The following NEMP2 variants were observed in gnomAD, a reference collection of about 807,000 sequenced individuals.
NEMP2 encodes the protein nuclear envelope integral membrane protein 2.
Under a neutral mutation model 54.2 loss-of-function variants are expected in NEMP2, and 53 were observed. The ratio of observed to expected loss-of-function variants is 0.98; its 90% CI spans 0.78 to 1.23. The LOEUF (loss-of-function observed/expected upper bound fraction) is 1.23, where lower values mean the gene tolerates loss of function less well. Among genes scored for constraint, NEMP2 ranks in the 50% most tolerant of loss-of-function variants. NEMP2 has a pLI of 0.00. For synonymous variants in NEMP2, 197 were observed against 190.3 expected, an observed-to-expected ratio of 1.04 and a Z score of -0.29; for missense variants, 455 against 511.3, an observed-to-expected ratio of 0.89 and a Z score of 1.06.
the NEMP2 span, among the ~76,000 whole-genome samples, chr2:190,423,447 T>C: frequency 6.6e-6 from 1 of 152,260 alleles, no homozygotes; most frequent in Non-Finnish European, 1.5e-5. This position sits in a 1 kb window ranked among gnomAD's most constrained non-coding sequence, Gnocchi z 4.3. Context: ...ATCCAGTTTA[T>C]TGCATGTATC....
At chr2:190,614,505 C>T in the NEMP2 span, among the ~76,000 whole-genome samples, 2 of 152,162 alleles carry the variant, frequency 1.3e-5, no homozygotes, top group Non-Finnish European at 2.9e-5. The surrounding 1 kb of genome is among the most constrained non-coding windows in gnomAD (Gnocchi z 5.7). Context: ...TACACACATA[C>T]ATAAAGATAT....
Position 190,512,058 on chromosome 2 carries a change from G to C in NEMP2, c.954-1521C>G, listed in dbSNP as rs1690386711. On this transcript the variant is annotated intron_variant, in intron 7 of 8. Coordinates refer to ENST00000409150, the MANE Select transcript of NEMP2 (RefSeq NM_001142645.2). The surrounding 1 kb of genome is among the most constrained non-coding windows in gnomAD (Gnocchi z 4.5). ...TAAAGATCTTATAGTTGATGAGCTA[G>C]ATCAAGGAAACAGTGATATAATCTC... Among the ~76,000 whole-genome samples the C allele has an allele frequency of 6.6e-6, 1 of 151,834 alleles. No individual in the cohort carries two copies. The highest frequency in any genetic ancestry group is 2.1e-4 in the South Asian group (1 of 4,816).
At chr2:190,571,441 G>A in the NEMP2 span, among the ~76,000 whole-genome samples, 1 of 152,088 alleles carries the variant, frequency 6.6e-6, no homozygotes, top group East Asian at 1.9e-4. Context: ...TACTCTGGAG[G>A]CCGAGGCAGG....
chr2:190,530,024 G>A lies in NEMP2; in HGVS notation c.97+4535C>T, dbSNP rs1398947696. ...ATCTTCTTGCCCCTCACTGGATAGA[G>A]GAGGTCAGAAAGAATAGGTGGCATT... On this transcript the variant is annotated intron_variant, in intron 1 of 8. Coordinates refer to ENST00000409150, the MANE Select transcript of NEMP2 (RefSeq NM_001142645.2). This position sits in a 1 kb window ranked among gnomAD's most constrained non-coding sequence, Gnocchi z 4.6. Among the ~76,000 whole-genome samples the A allele has an allele frequency of 1.3e-5, 2 of 152,218 alleles. No homozygotes were observed. Among genetic ancestry groups the A allele is most frequent in the Non-Finnish European group, 2.9e-5 (2 of 68,032 alleles).
At chr2:190,539,100 T>G (rs192292064), upstream of NEMP2, among the ~76,000 whole-genome samples, 16 of 152,320 alleles carry the variant, frequency 1.1e-4, no homozygotes, top group African/African-American at 3.6e-4. The surrounding 1 kb of genome is among the most constrained non-coding windows in gnomAD (Gnocchi z 4.1). Context: ...ATTTAAGCCT[T>G]TAATTCATCT....
At chr2:190,555,500 A>G in the NEMP2 span, among the ~76,000 whole-genome samples, 3 of 152,174 alleles carry the variant, frequency 2.0e-5, no homozygotes, top group Non-Finnish European at 4.4e-5. This position sits in a 1 kb window ranked among gnomAD's most constrained non-coding sequence, Gnocchi z 4.8. Context: ...GCTGAAAAAC[A>G]CAGCACAAGA....
chr2:190,626,681 T>C, the NEMP2 span: 1 of 152,198 alleles, frequency 6.6e-6, no homozygotes, highest in Non-Finnish European at 1.5e-5. This position sits in a 1 kb window ranked among gnomAD's most constrained non-coding sequence, Gnocchi z 4.5. Flanking sequence ...ATAGCACAGG[T>C]GGGTGCCGAG....
chr2:190,470,943 A>T, the NEMP2 span, among the ~76,000 whole-genome samples: 1 of 152,124 alleles, frequency 6.6e-6, no homozygotes, highest in African/African-American at 2.4e-5. Flanking sequence ...CTCAGATTTG[A>T]TGCAATGGTG....
upstream of NEMP2, chr2:190,535,030 T>C (rs1691324706): frequency 5.5e-6 from 1 of 183,424 alleles, no homozygotes; most frequent in Non-Finnish European, 1.1e-5. Flanking sequence ...GGGTGGGAGT[T>C]GCAGAGAGGA....
chr2:190,473,861 C>A, the NEMP2 span, among the ~76,000 whole-genome samples: 1 of 152,160 alleles, frequency 6.6e-6, no homozygotes, highest in Non-Finnish European at 1.5e-5. Flanking sequence ...TTATAACAAA[C>A]TGTCTCTCAG....
At chr2:190,605,292 ATT>A in the NEMP2 span, among the ~76,000 whole-genome samples, 30 of 149,150 alleles carry the variant, frequency 2.0e-4, 1 homozygote, top group South Asian at 6.1e-3. Context: ...CCGCCCCACT[ATT>A]CCCTGCCATG....
At chr2:190,582,910 G>A in the NEMP2 span, among the ~76,000 whole-genome samples, 5 of 152,116 alleles carry the variant, frequency 3.3e-5, no homozygotes, top group Non-Finnish European at 4.4e-5. The surrounding 1 kb of genome is among the most constrained non-coding windows in gnomAD (Gnocchi z 4.6). Flanking sequence ...ATTTGCAGCT[G>A]TCTGGTCAGG....
chr2:190,585,536 C>T, the NEMP2 span, among the ~76,000 whole-genome samples: 1 of 152,208 alleles, frequency 6.6e-6, no homozygotes, highest in Non-Finnish European at 1.5e-5. This position sits in a 1 kb window ranked among gnomAD's most constrained non-coding sequence, Gnocchi z 5.3. Flanking sequence ...GGCTAGATTT[C>T]AACCCCAGTC....
the NEMP2 span, among the ~76,000 whole-genome samples, chr2:190,471,434 G>C: frequency 6.6e-6 from 1 of 152,340 alleles, no homozygotes; most frequent in South Asian, 2.1e-4. This position sits in a 1 kb window ranked among gnomAD's most constrained non-coding sequence, Gnocchi z 4.7. Context: ...CGGCACACTA[G>C]GAGATTATAT....
the NEMP2 span, among the ~76,000 whole-genome samples, chr2:190,431,642 C>A: frequency 6.6e-6 from 1 of 152,112 alleles, no homozygotes; most frequent in Non-Finnish European, 1.5e-5. This position sits in a 1 kb window ranked among gnomAD's most constrained non-coding sequence, Gnocchi z 4.4. Flanking sequence ...TGCAGTGAGC[C>A]GAGATGGCAG....
the NEMP2 span, among the ~76,000 whole-genome samples, chr2:190,460,528 C>G: frequency 6.6e-6 from 1 of 152,146 alleles, no homozygotes; most frequent in East Asian, 1.9e-4. Context: ...CTCTTCCGTT[C>G]CGGACTATTT....
chr2:190,562,978 T>C, the NEMP2 span, among the ~76,000 whole-genome samples: 1 of 152,140 alleles, frequency 6.6e-6, no homozygotes, highest in Non-Finnish European at 1.5e-5. This position sits in a 1 kb window ranked among gnomAD's most constrained non-coding sequence, Gnocchi z 5.0. Context: ...TGGCAGGTTC[T>C]CCTCCAGTGA....
chr2:190,570,980 T>C, the NEMP2 span, among the ~76,000 whole-genome samples: 2 of 152,216 alleles, frequency 1.3e-5, no homozygotes, highest in African/African-American at 4.8e-5. The surrounding 1 kb of genome is among the most constrained non-coding windows in gnomAD (Gnocchi z 5.4). Context: ...CGATTACATA[T>C]TTTTGTTGGA....
chr2:190,640,294 G>A, the NEMP2 span, among the ~76,000 whole-genome samples: 1 of 152,054 alleles, frequency 6.6e-6, no homozygotes, highest in Non-Finnish European at 1.5e-5. Context: ...ATATGGACAT[G>A]TTGCAACTCT....
Sources: gnomAD v4.1 joint callset for allele counts (sites outside exome capture counted in the v4.1 genomes callset) on GRCh38, gnomAD v4.1.1 for gene constraint, Gnocchi (gnomAD v3.1) non-coding constraint, MANE v1.5 for transcripts, NCBI Gene and HGNC (gene_info 2026-07-23, HGNC 2026-07-21) for gene names.